The following ZMIZ1 variants were observed in gnomAD, a reference collection of about 807,000 sequenced individuals.
ZMIZ1 encodes zinc finger MIZ domain-containing protein 1.
ZMIZ1 carries 17 observed loss-of-function variants against 113.9 expected under a neutral mutation model. The observed-to-expected ratio is 0.15, with a 90% confidence interval of 0.10 to 0.22. The LOEUF is 0.22. Ranked by LOEUF, ZMIZ1 falls within the 10% of genes least tolerant of loss-of-function variation. The pLI is 1.00. For synonymous variants in ZMIZ1, 607 were observed against 603.1 expected (o/e 1.01, Z -0.09); for missense variants, 1,059 against 1,477.8 (o/e 0.72, Z 4.65).
intron 3 of ZMIZ1, among the ~76,000 whole-genome samples, chr10:79,161,284 G>T (rs548789352): frequency 2.5e-3 from 383 of 152,278 alleles, no homozygotes; most frequent in African/African-American, 8.5e-3. Context: ...CAGCCATGGG[G>T]GCTTCCTAAA....
intron 7 of ZMIZ1, among the ~76,000 whole-genome samples, chr10:79,240,632 ATT>A (rs1334506831): frequency 1.2e-5 from 1 of 86,468 alleles, no homozygotes; most frequent in Non-Finnish European, 2.1e-5. Flanking sequence ...AGTGAAGAGT[ATT>A]TATCTTTTTT....
At chr10:79,177,006 C>G (rs1435841364) in intron 4 of ZMIZ1, among the ~76,000 whole-genome samples, 1 of 152,224 alleles carries the variant, frequency 6.6e-6, no homozygotes, top group Non-Finnish European at 1.5e-5. Context: ...CCTCAGGGAT[C>G]CCACAAGAGG....
chr10:79,075,516 T>C (rs1009153070), intron 1 of ZMIZ1, among the ~76,000 whole-genome samples: 1 of 152,072 alleles, frequency 6.6e-6, no homozygotes, highest in Non-Finnish European at 1.5e-5. Context: ...TTACCTGTCT[T>C]ATATTCCCCC....
chr10:79,305,107 C>T (rs912058285), intron 19 of ZMIZ1, 57 bp from the exon 20 acceptor site: 2 of 1,599,586 alleles, frequency 1.3e-6, no homozygotes, highest in Non-Finnish European at 8.6e-7. Flanking sequence ...CCCTGAGGCA[C>T]ATCTAGGCAG....
chr10:79,126,231 G>C (rs2132351019), intron 2 of ZMIZ1, among the ~76,000 whole-genome samples: 1 of 152,332 alleles, frequency 6.6e-6, no homozygotes, highest in Middle Eastern at 3.4e-3. Flanking sequence ...CAGAGTCAGG[G>C]CCTAGTGTGA....
intron 3 of ZMIZ1, among the ~76,000 whole-genome samples, chr10:79,156,501 G>A (rs1845907622): frequency 6.6e-6 from 1 of 152,164 alleles, no homozygotes; most frequent in Non-Finnish European, 1.5e-5. Flanking sequence ...CTGCCTGTCC[G>A]CCCTTCCCTG....
intron 3 of ZMIZ1, among the ~76,000 whole-genome samples, chr10:79,151,084 T>G (rs142091120): frequency 6.6e-6 from 1 of 151,962 alleles, no homozygotes; most frequent in Non-Finnish European, 1.5e-5. Flanking sequence ...TGACATTGGA[T>G]GGGTTAAGAC....
chr10:79,314,558 T>C lies in ZMIZ1; in HGVS notation c.*1809T>C, dbSNP rs1855415398. 3.8e-6 allele frequency: 1 copy of C among 266,466 alleles called. No individual in the cohort carries two copies. The highest frequency in any genetic ancestry group is 2.3e-5 in the African/African-American group (1 of 44,284). The allele number at this position is 266,466 out of a possible 1,614,324, so 16.5% of individuals were successfully genotyped here. A position where few individuals can be genotyped will look rare whatever the true frequency, so the allele number is the denominator to read the frequency against. On this transcript the variant is annotated 3_prime_UTR_variant, in exon 25 of 25. Coordinates refer to ENST00000334512, the MANE Select transcript of ZMIZ1 (RefSeq NM_020338.4). ...AATCAATTATTTTAAGAATCGCTTT[T>C]GTAAATATCTTTGTGAATATTTTAG...
At chr10:79,097,788 G>A (rs1843221388) in intron 1 of ZMIZ1, among the ~76,000 whole-genome samples, 1 of 152,072 alleles carries the variant, frequency 6.6e-6, no homozygotes, top group Non-Finnish European at 1.5e-5. Flanking sequence ...CAGCATATGT[G>A]GTCTTCATGG....
chr10:79,109,222 T>C (rs922259928), intron 1 of ZMIZ1, among the ~76,000 whole-genome samples: 11 of 152,174 alleles, frequency 7.2e-5, no homozygotes, highest in Non-Finnish European at 1.5e-4. Context: ...TGGATGTGCA[T>C]TGGTGAGGGG....
intron 1 of ZMIZ1, among the ~76,000 whole-genome samples, chr10:79,116,752 C>T (rs1009749678): frequency 6.6e-6 from 1 of 152,214 alleles, no homozygotes; most frequent in African/African-American, 2.4e-5. Context: ...CTGAAGGGCA[C>T]ATGCTTCTGT....
At chr10:79,131,762 C>T (rs1480073248) in intron 2 of ZMIZ1, among the ~76,000 whole-genome samples, 1 of 152,168 alleles carries the variant, frequency 6.6e-6, no homozygotes, top group East Asian at 1.9e-4. Flanking sequence ...CTGTGCTGGC[C>T]AGGGCTGGAA....
intron 1 of ZMIZ1, among the ~76,000 whole-genome samples, chr10:79,078,348 C>T (rs969464376): frequency 2.0e-5 from 3 of 152,050 alleles, no homozygotes; most frequent in Admixed American, 2.0e-4. Context: ...CTCACCCCTC[C>T]GAGCCTCAGT....
chr10:79,143,502 C>T (rs1293677854), intron 3 of ZMIZ1, among the ~76,000 whole-genome samples: 2 of 152,202 alleles, frequency 1.3e-5, no homozygotes. Flanking sequence ...CCTCCCTTGA[C>T]CACTCTGAGG....
At chr10:79,219,752 A>G (rs1848885587) in intron 7 of ZMIZ1, among the ~76,000 whole-genome samples, 3 of 152,196 alleles carry the variant, frequency 2.0e-5, no homozygotes, top group Admixed American at 1.3e-4. Flanking sequence ...CCAGGGATGA[A>G]TTCTCAGTGT....
intron 1 of ZMIZ1, among the ~76,000 whole-genome samples, chr10:79,084,500 G>A (rs990183789): frequency 7.2e-5 from 11 of 152,212 alleles, no homozygotes; most frequent in African/African-American, 2.2e-4. Flanking sequence ...TTGGCCACAC[G>A]GGATCAACCC....
intron 7 of ZMIZ1, among the ~76,000 whole-genome samples, chr10:79,245,530 G>C (rs912082514): frequency 6.6e-6 from 1 of 152,196 alleles, no homozygotes; most frequent in Non-Finnish European, 1.5e-5. Context: ...ACGGGGTCGG[G>C]GGGCAGAGGG....
chr10:79,302,062 G>A lies in ZMIZ1; in HGVS notation c.2020-45G>A, dbSNP rs761535863. ...GCTGAGGCTGCAGGCAGGGCGGGGT[G>A]TGGGGACAGTGCACAGGAACTGAGT... On this transcript the variant is annotated intron_variant, in intron 17 of 24. Coordinates refer to ENST00000334512, the MANE Select transcript of ZMIZ1 (RefSeq NM_020338.4). 2.3e-5 allele frequency: 37 copies of A among 1,596,728 alleles called. No homozygotes were observed. In the South Asian group the frequency reaches 3.9e-4, roughly 17 times the overall value.
chr10:79,180,692 C>T (rs1017938662), intron 4 of ZMIZ1, among the ~76,000 whole-genome samples: 3 of 152,228 alleles, frequency 2.0e-5, no homozygotes, highest in African/African-American at 4.8e-5. Context: ...CAGCCAGTCT[C>T]TCCATGTGAC....
Sources: allele counts gnomAD v4.1 joint callset (sites outside exome capture counted in the v4.1 genomes callset), GRCh38; gene constraint gnomAD v4.1.1; transcripts MANE v1.5; gene names NCBI Gene and HGNC (gene_info 2026-07-23, HGNC 2026-07-21).